GABRG3: variants seen among roughly 807,000 people sequenced by gnomAD.
GABRG3 encodes gamma-aminobutyric acid type A receptor subunit gamma3.
Under a neutral mutation model 48.8 loss-of-function variants are expected in GABRG3, and 25 were observed. The observed-to-expected ratio is 0.51, with a 90% CI of 0.37 to 0.72. The LOEUF (loss-of-function observed/expected upper bound fraction) is 0.72, where lower values mean the gene tolerates loss of function less well. Among genes scored for constraint, GABRG3 ranks in the 30% least tolerant of loss-of-function variants. The pLI is 0.00. For missense variants in GABRG3, 394 were observed against 577.9 expected (o/e 0.68, Z 3.26); for synonymous variants, 227 against 217.6 (o/e 1.04, Z -0.38).
chr15:26,996,941 C>T (rs145122785), intron 2 of GABRG3, among the ~76,000 whole-genome samples: 5 of 152,242 alleles, frequency 3.3e-5, no homozygotes, highest in African/African-American at 1.2e-4. Context: ...TGTGAGCCAC[C>T]ACGCCCGGCC....
rs59969384 is a variant in GABRG3, at chr15:27,353,426, C to CTATTTATT, written c.574+24564_574+24571dup. Among the ~76,000 whole-genome samples, 1,099 of 146,106 alleles carry CTATTTATT rather than the reference C, an allele frequency of 7.5e-3. 9 individuals are homozygous for CTATTTATT. Among genetic ancestry groups the CTATTTATT allele is most frequent in the South Asian group, 0.014 (63 of 4,594 alleles). ...GATGTGTGCATAGTTTTCTTTCTTT[C>CTATTTATT]TATTTATTTATTTATTTATTTATTT... is the stretch of plus-strand genomic sequence containing the variant. On this transcript the variant is annotated intron_variant, in intron 5 of 9. Coordinates refer to ENST00000615808, the MANE Select transcript of GABRG3 (RefSeq NM_033223.5).
intron 2 of GABRG3, among the ~76,000 whole-genome samples, chr15:26,987,659 A>G (rs1261371731): frequency 6.6e-6 from 1 of 152,192 alleles, no homozygotes; most frequent in Non-Finnish European, 1.5e-5. Flanking sequence ...GAATCGGAAT[A>G]GTTATTCCGT....
intron 3 of GABRG3, among the ~76,000 whole-genome samples, chr15:27,171,375 A>G (rs1295646355): frequency 2.0e-5 from 3 of 152,116 alleles, no homozygotes; most frequent in Non-Finnish European, 2.9e-5. Context: ...CCAATGTAAA[A>G]GCTAGAAATA....
chr15:27,136,868 C>T (rs543189956), intron 3 of GABRG3, among the ~76,000 whole-genome samples: 1 of 152,084 alleles, frequency 6.6e-6, no homozygotes, highest in East Asian at 1.9e-4. Flanking sequence ...CTGCTACAGC[C>T]CTAACCTAGG....
At chr15:27,197,368 A>G (rs1263924357) in intron 3 of GABRG3, among the ~76,000 whole-genome samples, 1 of 152,132 alleles carries the variant, frequency 6.6e-6, no homozygotes, top group Non-Finnish European at 1.5e-5. Context: ...TTGATCCATT[A>G]TGTGAGCAAG....
intron 9 of GABRG3, among the ~76,000 whole-genome samples, chr15:27,529,450 C>T (rs942735439): frequency 2.5e-4 from 9 of 36,400 alleles, no homozygotes; most frequent in African/African-American, 4.3e-4. Flanking sequence ...ATGTTTCAAG[C>T]CCCCCCATAA....
intron 2 of GABRG3, among the ~76,000 whole-genome samples, chr15:27,019,137 G>C (rs992014684): frequency 7.2e-6 from 1 of 139,112 alleles, no homozygotes; most frequent in Admixed American, 7.8e-5. Context: ...GGTGCGATCT[G>C]GGCTCACTGC....
At chr15:27,421,781 G>C (rs1425853352) in intron 5 of GABRG3, among the ~76,000 whole-genome samples, 4 of 151,892 alleles carry the variant, frequency 2.6e-5, no homozygotes, top group Admixed American at 2.6e-4. Context: ...GGAGTGGGCT[G>C]CTTATCTACC....
chr15:26,971,491 G>A lies in GABRG3; in HGVS notation c.-45G>A. 4 of 1,454,708 alleles carry A rather than the reference G, an allele frequency of 2.7e-6. No homozygotes were observed. The highest frequency in any genetic ancestry group is 1.3e-5 in the South Asian group (1 of 75,120). The allele number at this position is 1,454,708 out of a possible 1,614,324, so 90.1% of individuals were successfully genotyped here. ...CCAGGTCCGCGCCGGAGGAAGCCGCGCCCGGCCGAGGCCCCGGACCCTGCG... is the reference window on the plus strand; with the variant it reads ...CCAGGTCCGCGCCGGAGGAAGCCGCACCCGGCCGAGGCCCCGGACCCTGCG... On this transcript the variant is annotated 5_prime_UTR_variant, in exon 1 of 10. Coordinates refer to ENST00000615808, the MANE Select transcript of GABRG3 (RefSeq NM_033223.5).
intron 5 of GABRG3, among the ~76,000 whole-genome samples, chr15:27,345,156 A>C (rs1894324084): frequency 6.6e-6 from 1 of 152,162 alleles, no homozygotes; most frequent in Admixed American, 6.5e-5. Context: ...TACTGTGACA[A>C]TCTCTGTCTT....
intron 3 of GABRG3, among the ~76,000 whole-genome samples, chr15:27,279,439 G>A (rs181533436): frequency 4.6e-5 from 7 of 151,602 alleles, no homozygotes; most frequent in Non-Finnish European, 8.8e-5. Flanking sequence ...TAATTTTTGT[G>A]TAAAGTATGA....
chr15:27,462,893 C>A (rs1331464111), intron 5 of GABRG3, among the ~76,000 whole-genome samples: 1 of 151,944 alleles, frequency 6.6e-6, no homozygotes, highest in African/African-American at 2.4e-5. Context: ...TGACCTATTT[C>A]AATAAAAACA....
chr15:27,243,869 G>C (rs531023003), intron 3 of GABRG3, among the ~76,000 whole-genome samples: 2 of 152,054 alleles, frequency 1.3e-5, no homozygotes, highest in Non-Finnish European at 2.9e-5. Context: ...TCAACTTTAC[G>C]CACTCAGTGT....
At chr15:27,059,239 C>G (rs1896605025) in intron 3 of GABRG3, among the ~76,000 whole-genome samples, 1 of 152,226 alleles carries the variant, frequency 6.6e-6, no homozygotes, top group African/African-American at 2.4e-5. Flanking sequence ...GGCACCCCTA[C>G]TGCTCTCTAC....
chr15:27,333,314 T>C (rs1893861282), intron 5 of GABRG3, among the ~76,000 whole-genome samples: 1 of 152,128 alleles, frequency 6.6e-6, no homozygotes, highest in South Asian at 2.1e-4. Context: ...TGGGCTAAAA[T>C]CAAGGTGTGG....
At chr15:27,087,205 G>A (rs1454329104) in intron 3 of GABRG3, among the ~76,000 whole-genome samples, 1 of 152,236 alleles carries the variant, frequency 6.6e-6, no homozygotes, top group African/African-American at 2.4e-5. Flanking sequence ...GAGCGAGGCT[G>A]CTGCTCAGTG....
intron 5 of GABRG3, among the ~76,000 whole-genome samples, chr15:27,468,710 A>G (rs1381775395): frequency 6.6e-6 from 1 of 152,210 alleles, no homozygotes; most frequent in African/African-American, 2.4e-5. Context: ...ATTTGACTTA[A>G]TGATCCCAAA....
At chr15:26,992,048 G>T (rs939672405) in intron 2 of GABRG3, among the ~76,000 whole-genome samples, 2 of 152,106 alleles carry the variant, frequency 1.3e-5, no homozygotes, top group African/African-American at 4.8e-5. Context: ...TGTTCACTTG[G>T]CATATAGAGA....
chr15:27,025,085 AGT>A (rs143739884), intron 2 of GABRG3, among the ~76,000 whole-genome samples: 33 of 146,934 alleles, frequency 2.2e-4, no homozygotes, highest in African/African-American at 7.0e-4. Context: ...GCATTTTGTG[AGT>A]GTGTGTGTGT....
Sources: gnomAD v4.1 joint callset for allele counts (sites outside exome capture counted in the v4.1 genomes callset) on GRCh38, gnomAD v4.1.1 for gene constraint, MANE v1.5 for transcripts, NCBI Gene and HGNC (gene_info 2026-07-23, HGNC 2026-07-21) for gene names.